Variants in PLIN1 observed in about 807,000 individuals in gnomAD.
The protein encoded by PLIN1 is perilipin 1.
PLIN1 carries 37 observed loss-of-function variants against 45.8 expected under a neutral mutation model. The ratio of observed to expected loss-of-function variants is 0.81; its 90% CI spans 0.62 to 1.06. PLIN1 has a LOEUF of 1.06. Among genes scored for constraint, PLIN1 ranks in the 50% least tolerant of loss-of-function variants. PLIN1 has a pLI of 0.00. For missense variants in PLIN1, 776 were observed against 716.5 expected (o/e 1.08, Z -0.95); for synonymous variants, 340 against 309.2 (o/e 1.10, Z -1.05).
At chr15:89,669,949 C>T (rs1964411399) in intron 5 of PLIN1, 31 bp downstream of exon 5, 1 of 1,597,828 alleles carries the variant, frequency 6.3e-7, no homozygotes, top group East Asian at 2.3e-5. Context: ...TGACAACTCA[C>T]TCCCAGGCCG....
chr15:89,671,568 G>C lies in PLIN1; in HGVS notation c.251-4C>G, dbSNP rs1352347623. 6.4e-7 allele frequency: 1 copy of C among 1,558,994 alleles called. No homozygotes were observed. The highest frequency in any genetic ancestry group is 1.4e-5 in the African/African-American group (1 of 73,700). On this transcript the variant is annotated splice_polypyrimidine_tract_variant and splice_region_variant and intron_variant, in intron 3 of 8. Transcript: ENST00000300055. ...GCCAGCTCATTGGCAGCTGTGACTG[G>C]AAGGAAAGGGCCAAGTTTGGGTGAG...
chr15:89,664,569 A>C lies in PLIN1; in HGVS notation c.*1014T>G, dbSNP rs892743299. ...AAAATCTCTCCAAGCTGTATTATTA[A>C]GTGAAAAAAGCAGGCATGCGTAACA... On this transcript the variant is annotated 3_prime_UTR_variant, in exon 9 of 9. Coordinates refer to ENST00000300055, the MANE Select transcript of PLIN1 (RefSeq NM_002666.5). 8.3e-6 allele frequency: 2 copies of C among 240,384 alleles called. No individual in the cohort carries two copies. The highest frequency in any genetic ancestry group is 4.6e-5 in the African/African-American group (2 of 43,882). The allele number at this position is 240,384 out of a possible 1,614,324, so 14.9% of individuals were successfully genotyped here. A position where few individuals can be genotyped will look rare whatever the true frequency, so the allele number is the denominator to read the frequency against.
In PLIN1 at chr15:89,677,323, T is replaced by A; in HGVS notation, c.45+122A>T. ...GGCAAGAATAACTAAGCCATGGTAGTCAATGAACTAGGATTATAATCTGGG... is the reference window on the plus strand; with the variant it reads ...GGCAAGAATAACTAAGCCATGGTAGACAATGAACTAGGATTATAATCTGGG... On this transcript the variant is annotated intron_variant, in intron 2 of 8. Coordinates refer to ENST00000300055, the MANE Select transcript of PLIN1 (RefSeq NM_002666.5). 2.3e-6 allele frequency: 2 copies of A among 858,326 alleles called. 1 individual carries two copies. The highest frequency in any genetic ancestry group is 2.7e-5 in the South Asian group (2 of 74,902). The allele number at this position is 858,326 out of a possible 1,614,324, so 53.2% of individuals were successfully genotyped here.
chr15:89,669,605 A>G lies in PLIN1; in HGVS notation c.666T>C (p.Val222=), dbSNP rs8179042. The G allele has an allele frequency of 3.7e-6, 6 of 1,613,944 alleles. No individual in the cohort carries two copies. In the African/African-American group the frequency reaches 8.0e-5, roughly 22 times the overall value. ...GAGAGAGGGTGTTGGTCAGAGCCCC[A>G]ACCCTGCTCAAGAGGCTTGGCTTGG... ...PKAKPSLLSR[V]GALTNTLSRY... Residue 222 remains valine, a synonymous_variant, in exon 6 of 9, where the codon GTT becomes GTC. Coordinates refer to ENST00000300055, the MANE Select transcript of PLIN1 (RefSeq NM_002666.5).
At position 89,667,700 on chromosome 15, in the gene PLIN1, C is replaced by A; in HGVS notation, c.865G>T (p.Ala289Ser). 6.3e-7 allele frequency: 1 copy of A among 1,589,076 alleles called. No individual in the cohort carries two copies. Among genetic ancestry groups the A allele is most frequent in the Non-Finnish European group, 8.6e-7 (1 of 1,167,766 alleles). The stretch of plus-strand genomic sequence containing the variant: ...TCCTCATGATCCTCCTCCTGGGCGG[C>A]TGCGAGGCTGTGCAGCCAGGGTACC... ...VRVPWLHSLA[A>S]AQEEDHEDQT... The change falls in exon 7 of 9, where the codon GCC (alanine) becomes TCC (serine). Residue 289 changes from alanine to serine, a missense_variant. Physicochemically the swap from Ala to Ser is moderately conservative, Grantham distance 99. Transcript: ENST00000300055.
intron 1 of PLIN1, chr15:89,677,886 G>T: frequency 5.6e-6 from 1 of 178,626 alleles, no homozygotes. Flanking sequence ...AAGTAGCTGG[G>T]ATTACAGGCG....
intron 6 of PLIN1, among the ~76,000 whole-genome samples, chr15:89,668,891 T>G (rs547451983): frequency 3.7e-4 from 57 of 152,332 alleles, no homozygotes; most frequent in African/African-American, 1.3e-3. Flanking sequence ...TAGTATTGTT[T>G]TATTTTCTTT....
intron 6 of PLIN1, among the ~76,000 whole-genome samples, chr15:89,668,262 T>C (rs1200063454): frequency 6.6e-6 from 1 of 152,272 alleles, no homozygotes; most frequent in Non-Finnish European, 1.5e-5. Flanking sequence ...AGTAGTTCCT[T>C]CTTTTTCATT....
rs1394952028 is a variant in PLIN1 at position 89,670,234 on chromosome 15, T to C, written c.344A>G (p.Glu115Gly). 3 of 1,611,274 alleles carry C rather than the reference T, an allele frequency of 1.9e-6. No homozygotes were observed. Among genetic ancestry groups the C allele is most frequent in the Non-Finnish European group, 1.7e-6 (2 of 1,178,020 alleles). Residue 115 changes from glutamate to glycine, a missense_variant, in exon 5 of 9, where the codon GAG becomes GGG. Physicochemically the swap from Glu to Gly is moderately conservative, Grantham distance 98. Coordinates refer to ENST00000300055, the MANE Select transcript of PLIN1 (RefSeq NM_002666.5). ...LQYPPEKIAS[E>G]LKDTISTRLR... ...GCGGGTGGAGATGGTGTCCTTCAGC[T>C]CAGAAGCAATCTGGGGGAAGTTGGT...
intron 2 of PLIN1, among the ~76,000 whole-genome samples, chr15:89,675,252 A>G (rs989275379): frequency 6.6e-6 from 1 of 152,154 alleles, no homozygotes; most frequent in Non-Finnish European, 1.5e-5. Context: ...CAGCAGTCAC[A>G]TAATTAAGTT....
chr15:89,677,917 G>T, intron 1 of PLIN1: 4 of 148,798 alleles, frequency 2.7e-5, no homozygotes, highest in Admixed American at 6.4e-5. Flanking sequence ...CGCCCGGCTA[G>T]TTTTTTTTTT....
chr15:89,665,641 C>A lies in PLIN1; in HGVS notation c.1511G>T (p.Ser504Ile). 6.6e-7 allele frequency: 1 copy of A among 1,506,272 alleles called. No homozygotes were observed. Among genetic ancestry groups the A allele is most frequent in the Non-Finnish European group, 8.9e-7 (1 of 1,129,818 alleles). The allele number at this position is 1,506,272 out of a possible 1,614,324, so 93.3% of individuals were successfully genotyped here. The change falls in exon 9 of 9, where the codon AGC becomes ATC. Residue 504 changes from serine to isoleucine, a missense_variant. Coordinates refer to ENST00000300055, the MANE Select transcript of PLIN1 (RefSeq NM_002666.5). ...RRVSDSFFRP[S>I]VMEPILGRTH... ...GCGGCCCAGGATGGGCTCCATGACG[C>A]TGGGCCGGAAGAAGCTGTCGCTGAC... is the stretch of plus-strand genomic sequence containing the variant.
intron 6 of PLIN1, 22 bp from the exon 7 acceptor site, chr15:89,667,815 T>C (rs1358001867): frequency 2.3e-5 from 36 of 1,547,630 alleles, no homozygotes; most frequent in Non-Finnish European, 3.1e-5. Flanking sequence ...TGGCAGCAGA[T>C]AGCTGGCTCA....
chr15:89,670,151 G>A lies in PLIN1; in HGVS notation c.427C>T (p.Leu143=), dbSNP rs1964417611. ...VPIASTSDKV[L]GAALAGCELA... ...TCGCACCCGGCCAAAGCGGCCCCCA[G>A]GACCTTGTCTGAAGTGCTCGCGATG... Residue 143 remains leucine, a synonymous_variant, in exon 5 of 9, where the codon CTG becomes TTG. Coordinates refer to ENST00000300055, the MANE Select transcript of PLIN1 (RefSeq NM_002666.5). The A allele has an allele frequency of 6.2e-7, 1 of 1,614,044 alleles. No homozygotes were observed. Among genetic ancestry groups the A allele is most frequent in the African/African-American group, 1.3e-5 (1 of 74,938 alleles).
At chr15:89,676,989 A>C in intron 2 of PLIN1, 1 of 191,498 alleles carries the variant, frequency 5.2e-6, no homozygotes, top group Non-Finnish European at 1.1e-5. Context: ...GACACATGGA[A>C]TATCCCACCC....
intron 1 of PLIN1, among the ~76,000 whole-genome samples, 196 bp downstream of exon 1, chr15:89,679,055 C>A (rs965199759): frequency 6.6e-6 from 1 of 151,942 alleles, no homozygotes; most frequent in Admixed American, 6.6e-5. Flanking sequence ...ACTGTGTTGC[C>A]CAGGTTGTTC....
chr15:89,675,871 T>C (rs1964507870), intron 2 of PLIN1, among the ~76,000 whole-genome samples: 1 of 152,130 alleles, frequency 6.6e-6, no homozygotes, highest in Admixed American at 6.5e-5. Flanking sequence ...AAGTTGGAAA[T>C]GGCCTACCTG....
At chr15:89,668,885 ATTGTT>A (rs1206256676) in intron 6 of PLIN1, among the ~76,000 whole-genome samples, 1 of 152,150 alleles carries the variant, frequency 6.6e-6, no homozygotes, top group African/African-American at 2.4e-5. Flanking sequence ...ATGCTTTAGT[ATTGTT>A]TTATTTTCTT....
At chr15:89,673,121 A>G (rs1014913918) in intron 3 of PLIN1, 89 bp downstream of exon 3, 3 of 989,370 alleles carry the variant, frequency 3.0e-6, no homozygotes, top group African/African-American at 1.6e-5. Flanking sequence ...GCAAGTTATC[A>G]GACAGTCAGA....
Sources: allele counts gnomAD v4.1 joint callset (sites outside exome capture counted in the v4.1 genomes callset), GRCh38; gene constraint gnomAD v4.1.1; transcripts MANE v1.5; gene names NCBI Gene and HGNC (gene_info 2026-07-23, HGNC 2026-07-21).